PDE11A: variants seen among roughly 807,000 people sequenced by gnomAD.
The protein encoded by PDE11A is dual 3',5'-cyclic-AMP and -GMP phosphodiesterase 11A.
Under a neutral mutation model 100.5 loss-of-function variants are expected in PDE11A, and 100 were observed. The ratio of observed to expected loss-of-function variants is 1.00; its 90% CI spans 0.85 to 1.18. PDE11A has a LOEUF of 1.18. Ranked by LOEUF, PDE11A falls within the 50% of genes most tolerant of loss-of-function variation. The pLI is 0.00. For missense variants in PDE11A, 1,141 were observed against 1,152.6 expected (o/e 0.99, Z 0.15); for synonymous variants, 381 against 420.8 (o/e 0.91, Z 1.16).
chr2:177,637,920 C>CATACATAT (rs1269084069), intron 19 of PDE11A, among the ~76,000 whole-genome samples: 4 of 33,486 alleles, frequency 1.2e-4, no homozygotes, highest in South Asian at 1.9e-3. Context: ...CATATATACA[C>CATACATAT]ATACATATAT....
In PDE11A at chr2:177,784,679, A is replaced by G. The variant is rs983399728; in HGVS notation, c.1738-15306T>C. On this transcript the variant is annotated intron_variant, in intron 9 of 19. Transcript: ENST00000286063. ...TTTATACTTTATTGCTGGCTCTTGA[A>G]TTCTTTCCTGCACAAGCCAAGAACC... Among the ~76,000 whole-genome samples, 6 of 152,278 alleles carry G rather than the reference A, an allele frequency of 3.9e-5. No individual in the cohort carries two copies. In the East Asian group the frequency reaches 1.2e-3, roughly 29 times the overall value.
chr2:178,088,918 TA>T (rs1159632073), intron 2 of PDE11A, among the ~76,000 whole-genome samples: 1 of 152,204 alleles, frequency 6.6e-6, no homozygotes, highest in Non-Finnish European at 1.5e-5. Flanking sequence ...TTGACAACTG[TA>T]AAGAGTTGTA....
chr2:177,991,703 T>C (rs13023495), intron 2 of PDE11A, among the ~76,000 whole-genome samples: 8,602 of 151,418 alleles, frequency 0.057, 475 homozygotes, highest in South Asian at 0.095. Flanking sequence ...TCTTTTCATA[T>C]GCAAATTATA....
chr2:177,837,093 C>T (rs1464413953), intron 6 of PDE11A, among the ~76,000 whole-genome samples: 2 of 152,184 alleles, frequency 1.3e-5, no homozygotes, highest in African/African-American at 4.8e-5. Context: ...GGACTTTTGG[C>T]CTCTCCCTCC....
chr2:177,675,429 G>A (rs1559137934), intron 17 of PDE11A, 26 bp downstream of exon 17: 5 of 1,576,390 alleles, frequency 3.2e-6, no homozygotes, highest in Non-Finnish European at 4.4e-6. Flanking sequence ...CTCCTCTGCT[G>A]AGCCCTGCCA....
At chr2:177,634,616 C>T (rs1259779142) in intron 19 of PDE11A, among the ~76,000 whole-genome samples, 1 of 152,114 alleles carries the variant, frequency 6.6e-6, no homozygotes, top group Non-Finnish European at 1.5e-5. Context: ...TCTCCGTCTC[C>T]TGACCTCGTG....
intron 2 of PDE11A, among the ~76,000 whole-genome samples, chr2:177,950,245 C>G (rs937686097): frequency 1.3e-4 from 20 of 150,866 alleles, no homozygotes; most frequent in African/African-American, 4.6e-4. Flanking sequence ...GCACCTTTTC[C>G]AGACTCTCCA....
chr2:177,834,160 C>T (rs767323856), intron 6 of PDE11A, among the ~76,000 whole-genome samples: 5 of 152,216 alleles, frequency 3.3e-5, no homozygotes, highest in Non-Finnish European at 5.9e-5. Context: ...CCTAATTCTT[C>T]CTGGTCATGA....
intron 1 of PDE11A, chr2:178,018,176 C>T (rs991325263): frequency 3.1e-5 from 10 of 321,600 alleles, no homozygotes; most frequent in African/African-American, 8.6e-5. Flanking sequence ...TCCAAGGCTG[C>T]GTCTGTCCAC....
chr2:177,727,096 C>T (rs767702536), intron 12 of PDE11A, among the ~76,000 whole-genome samples: 1 of 152,032 alleles, frequency 6.6e-6, no homozygotes. Flanking sequence ...TAGATATCTC[C>T]GTGAAACAGA....
chr2:177,680,834 A>G lies in PDE11A; in HGVS notation c.2415T>C (p.Asp805=). Residue 805 remains aspartate, a synonymous_variant, in exon 16 of 20, where the codon GAT becomes GAC. Coordinates refer to ENST00000286063, the MANE Select transcript of PDE11A (RefSeq NM_016953.4). ...EYDWNIKNHR[D]IFRSMLMTAC... is the part of the protein sequence containing the mutation. ...CAAGAGCTTTTTCTTACCGAAATAT[A>G]TCACGATGGTTTTTGATGTTCCAAT... is the stretch of plus-strand genomic sequence containing the variant. 6.4e-7 allele frequency: 1 copy of G among 1,566,122 alleles called. No homozygotes were observed. The highest frequency in any genetic ancestry group is 8.8e-7 in the Non-Finnish European group (1 of 1,137,244).
chr2:177,723,597 C>T (rs1199781654), intron 12 of PDE11A, among the ~76,000 whole-genome samples: 8 of 152,050 alleles, frequency 5.3e-5, no homozygotes, highest in South Asian at 2.1e-4. Flanking sequence ...AGTTGTTCAC[C>T]ATTTTATAGC....
intron 1 of PDE11A, among the ~76,000 whole-genome samples, chr2:178,068,838 T>C (rs1210156006): frequency 6.6e-6 from 1 of 152,152 alleles, no homozygotes; most frequent in Non-Finnish European, 1.5e-5. Flanking sequence ...CATGTCTTAC[T>C]AACAGGAACA....
rs181015895 is a variant in PDE11A at position 178,060,576 on chromosome 2, A to T, written c.912+10950T>A. Among the ~76,000 whole-genome samples, 804 of 152,280 alleles carry T rather than the reference A, an allele frequency of 5.3e-3. 3 individuals are homozygous for T. The highest frequency in any genetic ancestry group is 0.019 in the African/African-American group (771 of 41,538). On this transcript the variant is annotated intron_variant, in intron 1 of 19. Coordinates refer to ENST00000286063, the MANE Select transcript of PDE11A (RefSeq NM_016953.4). Reference sequence around the variant, plus strand: ...TGCAGAAACTAGCAACTAGAGAGGTAAAATATGGCACAGCCCTTGGATATG... The same window carrying T: ...TGCAGAAACTAGCAACTAGAGAGGTTAAATATGGCACAGCCCTTGGATATG...
chr2:177,819,309 C>T (rs2083096612), intron 7 of PDE11A, among the ~76,000 whole-genome samples: 1 of 152,020 alleles, frequency 6.6e-6, no homozygotes, highest in African/African-American at 2.4e-5. Context: ...AATACTAAAT[C>T]CTTTAATAAG....
At chr2:177,969,474 T>C (rs574660012) in intron 2 of PDE11A, among the ~76,000 whole-genome samples, 1 of 152,274 alleles carries the variant, frequency 6.6e-6, no homozygotes, top group South Asian at 2.1e-4. Context: ...ATACCCATAA[T>C]TTCACTGTTA....
chr2:177,805,207 T>G (rs2082852397), intron 9 of PDE11A, among the ~76,000 whole-genome samples: 1 of 152,034 alleles, frequency 6.6e-6, no homozygotes. Context: ...ATATATATCC[T>G]TAAGAAGGAT....
intron 2 of PDE11A, among the ~76,000 whole-genome samples, chr2:177,920,631 T>TAAAAAGTACAG (rs1397118171): frequency 6.6e-6 from 1 of 152,156 alleles, no homozygotes; most frequent in Non-Finnish European, 1.5e-5. Context: ...AAAATGCCTT[T>TAAAAAGTACAG]AAAAAGTACA....
At chr2:177,840,105 A>T (rs2083465253) in intron 6 of PDE11A, 146 bp downstream of exon 6, 3 of 783,240 alleles carry the variant, frequency 3.8e-6, no homozygotes, top group East Asian at 5.3e-5. Flanking sequence ...TTTCTAACTT[A>T]GAGTCAACAG....
Sources: gnomAD v4.1 joint callset for allele counts (sites outside exome capture counted in the v4.1 genomes callset) on GRCh38, gnomAD v4.1.1 for gene constraint, MANE v1.5 for transcripts, NCBI Gene and HGNC (gene_info 2026-07-23, HGNC 2026-07-21) for gene names.